The following NBR1 variants were observed in gnomAD, a reference collection of about 807,000 sequenced individuals.
The protein encoded by NBR1 is NBR1 autophagy cargo receptor.
Under a neutral mutation model 115.5 loss-of-function variants are expected in NBR1, and 59 were observed. The ratio of observed to expected loss-of-function variants is 0.51; its 90% CI spans 0.41 to 0.63. The LOEUF is 0.63. Ranked by LOEUF, NBR1 falls within the 30% of genes least tolerant of loss-of-function variation. The pLI, the probability that NBR1 is intolerant of heterozygous loss-of-function variation, is 0.00. For synonymous variants in NBR1, 373 were observed against 414.7 expected (o/e 0.90, Z 1.22); for missense variants, 1,043 against 1,150.5 (o/e 0.91, Z 1.35).
chr17:43,203,868 A>G (rs375733697), intron 20 of NBR1, 82 bp downstream of exon 20: 2 of 798,216 alleles, frequency 2.5e-6, no homozygotes, highest in East Asian at 5.5e-5. Flanking sequence ...GTTGAAGAGT[A>G]ACATGGCATT....
chr17:43,199,618 G>T (rs2057149485), intron 16 of NBR1, among the ~76,000 whole-genome samples: 1 of 151,848 alleles, frequency 6.6e-6, no homozygotes, highest in African/African-American at 2.4e-5. Context: ...CTCATGATCT[G>T]CCCACGTTGG....
intron 6 of NBR1, among the ~76,000 whole-genome samples, chr17:43,187,354 T>G (rs935493142): frequency 7.3e-5 from 11 of 151,674 alleles, no homozygotes; most frequent in Non-Finnish European, 1.5e-4. Context: ...CTAATTTTTT[T>G]TATTTTTAGT....
intron 10 of NBR1, among the ~76,000 whole-genome samples, chr17:43,191,919 A>G (rs1249665012): frequency 1.3e-5 from 2 of 149,214 alleles, no homozygotes; most frequent in East Asian, 4.0e-4. Flanking sequence ...ATGGGGTTTC[A>G]CCGTGTTAGC....
At chr17:43,183,737 G>A (rs2056731384) in intron 5 of NBR1, among the ~76,000 whole-genome samples, 1 of 151,380 alleles carries the variant, frequency 6.6e-6, no homozygotes, top group Admixed American at 6.6e-5. Context: ...TCAGCTCACT[G>A]CAGCCTCCGC....
chr17:43,210,209 C>T lies in NBR1; in HGVS notation c.*135C>T. The T allele has an allele frequency of 1.4e-6, 1 of 709,504 alleles. No individual in the cohort carries two copies. The allele number at this position is 709,504 out of a possible 1,614,324, so 44.0% of individuals were successfully genotyped here. On this transcript the variant is annotated 3_prime_UTR_variant, in exon 21 of 21. Coordinates refer to ENST00000590996, the MANE Select transcript of NBR1 (RefSeq NM_005899.5). ...AGAGCCCATCGTTGAGTTACCAAGACAATACCTGCTACAGTATTTTGGGGA... is the reference window on the plus strand; with the variant it reads ...AGAGCCCATCGTTGAGTTACCAAGATAATACCTGCTACAGTATTTTGGGGA...
At chr17:43,194,782 C>A in intron 13 of NBR1, 182 bp from the exon 14 acceptor site, 1 of 627,144 alleles carries the variant, frequency 1.6e-6, no homozygotes, top group South Asian at 2.1e-5. Flanking sequence ...TTTTCTCTTT[C>A]CTGCTATTGG....
intron 17 of NBR1, among the ~76,000 whole-genome samples, chr17:43,200,868 T>G (rs991655412): frequency 1.1e-4 from 6 of 57,108 alleles, no homozygotes; most frequent in Non-Finnish European, 1.8e-4. Flanking sequence ...GCTGGTTGTG[T>G]TTTTTTTTTT....
intron 20 of NBR1, among the ~76,000 whole-genome samples, chr17:43,205,244 C>T (rs1333934167): frequency 1.3e-5 from 2 of 152,082 alleles, no homozygotes; most frequent in Non-Finnish European, 2.9e-5. Context: ...ATCCCAGCTA[C>T]TTGGGAGGCT....
At chr17:43,202,821 G>C (rs1371663367) in intron 19 of NBR1, 109 bp downstream of exon 19, 2 of 844,552 alleles carry the variant, frequency 2.4e-6, no homozygotes, top group Non-Finnish European at 3.8e-6. Flanking sequence ...GAGCAGAGAA[G>C]GGGAGCCTTT....
intron 4 of NBR1, 78 bp from the exon 5 acceptor site, chr17:43,180,717 A>C (rs72831075): frequency 0.088 from 116,501 of 1,330,260 alleles, 5,907 homozygotes; most frequent in Non-Finnish European, 0.1. Context: ...TGTGTACAAA[A>C]TAAAAATAAT....
At chr17:43,201,260 G>A (rs574133619) in intron 17 of NBR1, among the ~76,000 whole-genome samples, 43 of 152,200 alleles carry the variant, frequency 2.8e-4, no homozygotes, top group African/African-American at 9.9e-4. Flanking sequence ...AACCCAAACA[G>A]TCATAATTAG....
chr17:43,186,689 G>C (rs2056810907), intron 6 of NBR1, among the ~76,000 whole-genome samples: 1 of 151,694 alleles, frequency 6.6e-6, no homozygotes, highest in Admixed American at 6.6e-5. Context: ...CCCCTGACAG[G>C]CCCCCGTGTG....
In NBR1 at chr17:43,173,378, C is replaced by T. The variant is rs374294214; in HGVS notation, c.-10+2076C>T. Among the ~76,000 whole-genome samples, 17 of 152,254 alleles carry T rather than the reference C, an allele frequency of 1.1e-4. No individual in the cohort carries two copies. In the East Asian group the frequency reaches 2.9e-3, roughly 26 times the overall value. On this transcript the variant is annotated intron_variant, in intron 1 of 20. Transcript: ENST00000590996. ...ATCTTGGCTCACTGCAACCTTGCCT[C>T]CCAGGTTCAAGCAATTCTCCTGCCT...
At chr17:43,209,081 G>T (rs867971012) in intron 20 of NBR1, among the ~76,000 whole-genome samples, 114 of 144,438 alleles carry the variant, frequency 7.9e-4, no homozygotes, top group Middle Eastern at 3.6e-3. Flanking sequence ...ACCTATTCTT[G>T]TTTTTTTTTT....
Position 43,190,790 on chromosome 17 carries a change from C to A in NBR1, c.863+14C>A. 1.3e-6 allele frequency: 2 copies of A among 1,569,918 alleles called. No individual in the cohort carries two copies. Among genetic ancestry groups the A allele is most frequent in the Admixed American group, 1.8e-5 (1 of 54,620 alleles). Reference sequence around the variant, plus strand: ...GGAACAAGTCAGGTAAAACCCTCTACATGGAGATGCTTATTCTCTGATTGA... The same window carrying A: ...GGAACAAGTCAGGTAAAACCCTCTAAATGGAGATGCTTATTCTCTGATTGA... On this transcript the variant is annotated intron_variant, in intron 9 of 20. Coordinates refer to ENST00000590996, the MANE Select transcript of NBR1 (RefSeq NM_005899.5).
rs779945932 is a variant in NBR1, at chr17:43,179,347, A to G, written c.166-47A>G. On this transcript the variant is annotated intron_variant, in intron 3 of 20. Coordinates refer to ENST00000590996, the MANE Select transcript of NBR1 (RefSeq NM_005899.5). ...CTGGTCCTAGTAACAGAAATGCTCAACTGATGAGACACTTATAATTCACTG... is the reference window on the plus strand; with the variant it reads ...CTGGTCCTAGTAACAGAAATGCTCAGCTGATGAGACACTTATAATTCACTG... The G allele has an allele frequency of 9.1e-5, 145 of 1,587,620 alleles. No homozygotes were observed. In the South Asian group the frequency reaches 1.5e-3, roughly 16 times the overall value.
chr17:43,180,419 G>A (rs1486986269), intron 4 of NBR1, among the ~76,000 whole-genome samples: 3 of 152,264 alleles, frequency 2.0e-5, no homozygotes, highest in Middle Eastern at 6.8e-3. Context: ...GTAAAAATGT[G>A]GCATTATAAT....
At chr17:43,206,047 G>A (rs1160943991) in intron 20 of NBR1, among the ~76,000 whole-genome samples, 6 of 151,396 alleles carry the variant, frequency 4.0e-5, no homozygotes, top group African/African-American at 1.2e-4. Context: ...GCGTGGTGAC[G>A]TGCCTGTAAT....
At chr17:43,176,517 T>TA (rs1357227169) in intron 2 of NBR1, 2 of 152,216 alleles carry the variant, frequency 1.3e-5, no homozygotes, top group Non-Finnish European at 2.9e-5. Flanking sequence ...AACCCTTTGG[T>TA]AAAAATCTAC....
Sources: allele counts gnomAD v4.1 joint callset (sites outside exome capture counted in the v4.1 genomes callset), GRCh38; gene constraint gnomAD v4.1.1; transcripts MANE v1.5; gene names NCBI Gene and HGNC (gene_info 2026-07-23, HGNC 2026-07-21).